ARHGAP23: variants seen among roughly 807,000 people sequenced by gnomAD.
ARHGAP23 encodes Rho GTPase activating protein 23.
ARHGAP23 carries 34 observed loss-of-function variants against 136.3 expected under a neutral mutation model. The observed-to-expected ratio is 0.25, with a 90% CI of 0.19 to 0.33. The LOEUF is 0.33. ARHGAP23 is among the 10% of genes least tolerant of loss of function. The pLI, the probability that ARHGAP23 is intolerant of heterozygous loss-of-function variation, is 1.00. For missense variants in ARHGAP23, 1,808 were observed against 2,139.0 expected (o/e 0.85, Z 3.05); for synonymous variants, 832 against 920.5 (o/e 0.90, Z 1.74).
chr17:38,505,849 A>G (rs2040623425), intron 23 of ARHGAP23, among the ~76,000 whole-genome samples: 1 of 152,154 alleles, frequency 6.6e-6, no homozygotes, highest in East Asian at 1.9e-4. Flanking sequence ...AATCGCTTGA[A>G]CTGGGGAGGT....
At chr17:38,484,513 G>A (rs909256960) in intron 16 of ARHGAP23, among the ~76,000 whole-genome samples, 7 of 152,134 alleles carry the variant, frequency 4.6e-5, no homozygotes, top group South Asian at 2.1e-4. Context: ...CAGGGGCCAC[G>A]CTCTGAGTGG....
chr17:38,428,426 C>T (rs996609191), upstream of ARHGAP23: 15 of 1,103,372 alleles, frequency 1.4e-5, no homozygotes, highest in Non-Finnish European at 1.8e-5. Context: ...CCCCGCCCCT[C>T]CCGGGTCCCT....
At chr17:38,420,559 G>T (rs539758283) in intron 1 of ARHGAP23, among the ~76,000 whole-genome samples, 24 of 152,292 alleles carry the variant, frequency 1.6e-4, no homozygotes, top group Non-Finnish European at 2.2e-4. Flanking sequence ...GGTGAGGAGA[G>T]GGGTGAGGAG....
chr17:38,463,864 A>G (rs1438879678), intron 6 of ARHGAP23, among the ~76,000 whole-genome samples: 1 of 152,144 alleles, frequency 6.6e-6, no homozygotes, highest in Admixed American at 6.5e-5. Flanking sequence ...CACCCTCTGT[A>G]TAGCACGAAG....
chr17:38,466,153 G>T lies in ARHGAP23; in HGVS notation c.484-14G>T. 1 of 1,465,324 alleles carries T rather than the reference G, an allele frequency of 6.8e-7. No individual in the cohort carries two copies. The allele number at this position is 1,465,324 out of a possible 1,614,324, so 90.8% of individuals were successfully genotyped here. A position where few individuals can be genotyped will look rare whatever the true frequency, so the allele number is the denominator to read the frequency against. On this transcript the variant is annotated splice_polypyrimidine_tract_variant and intron_variant, in intron 6 of 23. Coordinates refer to ENST00000622683, the MANE Select transcript of ARHGAP23 (RefSeq NM_001199417.2). ...TGTCTGGCCCTGCTTACCTGTCTCTGTGTCTCTGGCCAGGCCTACTCCCAG... is the reference window on the plus strand; with the variant it reads ...TGTCTGGCCCTGCTTACCTGTCTCTTTGTCTCTGGCCAGGCCTACTCCCAG...
chr17:38,469,057 G>A, intron 7 of ARHGAP23, 87 bp from the exon 8 acceptor site: 1 of 1,398,226 alleles, frequency 7.2e-7, no homozygotes, highest in East Asian at 2.5e-5. Context: ...CTGGAGGCGA[G>A]TGGCACGGGG....
chr17:38,420,264 G>C (rs2038506764), intron 1 of ARHGAP23, among the ~76,000 whole-genome samples: 1 of 152,240 alleles, frequency 6.6e-6, no homozygotes, highest in Non-Finnish European at 1.5e-5. Flanking sequence ...AGCCTGATGG[G>C]GGGCAGAGCG....
In ARHGAP23 at chr17:38,482,544, G is replaced by A; in HGVS notation, c.2773G>A (p.Ala925Thr). The change falls in exon 16 of 24, where the codon GCA becomes ACA. Residue 925 changes from alanine (A) to threonine (T), a missense_variant. Transcript: ENST00000622683. The part of the protein sequence containing the change: ...ENQRVPLIVA[A>T]CCRIVEARGL... ...CCAGCGCGTCCCCTTAATCGTGGCT[G>A]CATGCTGTCGCATTGTGGAGGCACG... The A allele has an allele frequency of 7.1e-6, 11 of 1,548,100 alleles. No homozygotes were observed. The highest frequency in any genetic ancestry group is 9.6e-6 in the Non-Finnish European group (11 of 1,144,590).
At chr17:38,497,190 AC>A (rs1276879552) in intron 20 of ARHGAP23, among the ~76,000 whole-genome samples, 1 of 152,138 alleles carries the variant, frequency 6.6e-6, no homozygotes, top group Non-Finnish European at 1.5e-5. Context: ...AATATATTAA[AC>A]TGTGGGGGTC....
At chr17:38,499,807 G>A (rs1276712799) in intron 22 of ARHGAP23, among the ~76,000 whole-genome samples, 1 of 152,180 alleles carries the variant, frequency 6.6e-6, no homozygotes, top group African/African-American at 2.4e-5. Context: ...TACCCTGTGG[G>A]ACCCCAGGAG....
chr17:38,480,355 C>T (rs1394599181), intron 14 of ARHGAP23, among the ~76,000 whole-genome samples: 3 of 152,176 alleles, frequency 2.0e-5, no homozygotes, highest in Non-Finnish European at 2.9e-5. Context: ...TACAAAAGGC[C>T]GGGCGCGATG....
At chr17:38,500,004 T>C (rs1241332469) in intron 22 of ARHGAP23, among the ~76,000 whole-genome samples, 1 of 152,166 alleles carries the variant, frequency 6.6e-6, no homozygotes, top group Non-Finnish European at 1.5e-5. Context: ...TGACCCCAGG[T>C]CCGGAGGTGG....
At chr17:38,445,471 C>T (rs973990159) in intron 1 of ARHGAP23, among the ~76,000 whole-genome samples, 4 of 151,616 alleles carry the variant, frequency 2.6e-5, no homozygotes, top group Admixed American at 6.6e-5. Context: ...GCAACAAGAG[C>T]GAAACTCCAT....
chr17:38,510,380 C>A lies in ARHGAP23; in HGVS notation c.3884C>A (p.Ala1295Glu). The A allele has an allele frequency of 8.0e-7, 1 of 1,244,496 alleles. No homozygotes were observed. The highest frequency in any genetic ancestry group is 1.0e-6 in the Non-Finnish European group (1 of 995,500). 77.1% of individuals were successfully genotyped at this position (1,244,496 alleles called of 1,614,324 possible). Residue 1295 changes from alanine (A) to glutamate (E), a missense_variant, in exon 24 of 24, where the codon GCG (alanine) becomes GAG (glutamate). Physicochemically the swap from Ala to Glu is moderately radical, Grantham distance 107. This residue lies in a region of ARHGAP23 where 506 missense variants were observed against 455.8 expected (regional missense o/e 1.11). Transcript: ENST00000622683. The surrounding 1 kb of genome is among the most constrained non-coding windows in gnomAD (Gnocchi z 4.6). ...ACGGACACTGAGGGCGCGGCGGGCG[C>A]GGGGCCTGGGGGGCGCCTGACACGC... ...VETDTEGAAG[A>E]GPGGRLTRRP...
rs1159759059 is a variant in ARHGAP23 at position 38,510,702 on chromosome 17, C to T, written c.4206C>T (p.Ser1402=). The change falls in exon 24 of 24, where the codon AGC becomes AGT. Residue 1402 remains serine, a synonymous_variant. Transcript: ENST00000622683. This position sits in a 1 kb window ranked among gnomAD's most constrained non-coding sequence, Gnocchi z 4.6. ...CCGAGACCCGGCGGCGCCGGAGCAG[C>T]TGGCGCCGCCACACCGTGGTGGTGC... ...LSPETRRRRS[S]WRRHTVVVQS... The T allele has an allele frequency of 3.5e-6, 5 of 1,433,862 alleles. No homozygotes were observed. Among genetic ancestry groups the T allele is most frequent in the Admixed American group, 3.4e-5 (1 of 29,794 alleles). 88.8% of individuals were successfully genotyped at this position (1,433,862 alleles called of 1,614,324 possible). A position where few individuals can be genotyped will look rare whatever the true frequency, so the allele number is the denominator to read the frequency against.
chr17:38,446,609 A>ATTTT (rs59571187), intron 1 of ARHGAP23, among the ~76,000 whole-genome samples: 1 of 131,638 alleles, frequency 7.6e-6, no homozygotes, highest in Non-Finnish European at 1.6e-5. Context: ...TCTGTGTTTA[A>ATTTT]TTTTTTTTTT....
In ARHGAP23 at chr17:38,510,508, C is replaced by G; in HGVS notation, c.4012C>G (p.Pro1338Ala). The G allele has an allele frequency of 8.8e-7, 1 of 1,136,330 alleles. No homozygotes were observed. Among genetic ancestry groups the G allele is most frequent in the South Asian group, 4.2e-5 (1 of 23,544 alleles). 70.4% of individuals were successfully genotyped at this position (1,136,330 alleles called of 1,614,324 possible). A position where few individuals can be genotyped will look rare whatever the true frequency, so the allele number is the denominator to read the frequency against. The change falls in exon 24 of 24, where the codon CCC becomes GCC. Residue 1338 changes from proline (P) to alanine (A), a missense_variant. By Grantham distance (27) the Pro-to-Ala change is conservative. This residue lies in a region of ARHGAP23 where 506 missense variants were observed against 455.8 expected (regional missense o/e 1.11). Transcript: ENST00000622683. The surrounding 1 kb of genome is among the most constrained non-coding windows in gnomAD (Gnocchi z 4.6). ...PDGEGAGRGG[P>A]RAPEPPGSAS... is the part of the protein sequence containing the mutation. Reference sequence around the variant, plus strand: ...CGGCGAGGGCGCGGGCCGGGGCGGTCCCCGCGCCCCGGAGCCGCCCGGCTC... The same window carrying G: ...CGGCGAGGGCGCGGGCCGGGGCGGTGCCCGCGCCCCGGAGCCGCCCGGCTC...
chr17:38,464,123 C>T (rs548262510), intron 6 of ARHGAP23, among the ~76,000 whole-genome samples: 11 of 152,296 alleles, frequency 7.2e-5, no homozygotes, highest in South Asian at 2.1e-4. Flanking sequence ...GCAAACACCG[C>T]GGCATCCTCC....
At chr17:38,458,011 C>G in intron 1 of ARHGAP23, 91 bp from the exon 2 acceptor site, 1 of 1,457,314 alleles carries the variant, frequency 6.9e-7, no homozygotes, top group Non-Finnish European at 9.2e-7. Flanking sequence ...CTTCTGGTGC[C>G]CCTCCGGTCC....
Sources: allele counts gnomAD v4.1 joint callset (sites outside exome capture counted in the v4.1 genomes callset), GRCh38; gene constraint gnomAD v4.1.1; regional missense constraint gnomAD v4.1.1; non-coding constraint Gnocchi (gnomAD v3.1); transcripts MANE v1.5; gene names NCBI Gene and HGNC (gene_info 2026-07-23, HGNC 2026-07-21).